Variants in NAV3 observed in about 807,000 individuals in gnomAD.
NAV3 encodes the protein neuron navigator 3.
A neutral mutation model predicts 244.7 loss-of-function variants in NAV3; 87 were observed. The ratio of observed to expected loss-of-function variants is 0.36; its 90% confidence interval spans 0.30 to 0.42. NAV3 has a LOEUF of 0.42. Among genes scored for constraint, NAV3 ranks in the 20% least tolerant of loss-of-function variants. NAV3 has a pLI of 1.00. For missense variants in NAV3, 2,663 were observed against 2,893.3 expected (o/e 0.92, Z 1.83); for synonymous variants, 1,126 against 1,042.2 (o/e 1.08, Z -1.55).
intron 5 of NAV3, among the ~76,000 whole-genome samples, chr12:77,978,390 A>C (rs892697509): frequency 2.6e-5 from 4 of 152,162 alleles, no homozygotes; most frequent in Admixed American, 2.6e-4. Flanking sequence ...TTTCTATCAA[A>C]CACTAGAAAT....
At chr12:77,886,676 TG>T (rs1440685357) in intron 1 of NAV3, among the ~76,000 whole-genome samples, 1 of 152,180 alleles carries the variant, frequency 6.6e-6, no homozygotes, top group Non-Finnish European at 1.5e-5. Flanking sequence ...CAGCTGAATT[TG>T]ATCCATGTTT....
chr12:77,839,116 T>G (rs552673058), intron 1 of NAV3, among the ~76,000 whole-genome samples: 8 of 152,300 alleles, frequency 5.3e-5, no homozygotes, highest in Non-Finnish European at 1.2e-4. Flanking sequence ...CGTAGGATAT[T>G]TGGCAGCATG....
At chr12:77,860,392 A>G (rs1879088086) in intron 1 of NAV3, among the ~76,000 whole-genome samples, 1 of 150,948 alleles carries the variant, frequency 6.6e-6, no homozygotes, top group South Asian at 2.1e-4. Flanking sequence ...AAAGTGAAGT[A>G]TATATATAAA....
chr12:78,031,801 G>T (rs985541358), intron 9 of NAV3, among the ~76,000 whole-genome samples: 1 of 150,502 alleles, frequency 6.6e-6, no homozygotes, highest in Non-Finnish European at 1.5e-5. Flanking sequence ...CGAGTTAGTG[G>T]GTGCAGCGCA....
chr12:78,086,506 A>G (rs1244275827), intron 12 of NAV3, among the ~76,000 whole-genome samples: 1 of 152,114 alleles, frequency 6.6e-6, no homozygotes, highest in East Asian at 1.9e-4. Context: ...TACACAGTAC[A>G]CATACTTATT....
chr12:78,184,717 T>C (rs1319983962), intron 30 of NAV3, among the ~76,000 whole-genome samples: 1 of 151,760 alleles, frequency 6.6e-6, no homozygotes, highest in African/African-American at 2.4e-5. Flanking sequence ...ATAAATTTAT[T>C]GTCAGAGCAG....
rs541499661 is a variant in NAV3, at chr12:78,090,268, A to G, written c.2637-26504A>G. 4.7e-5 allele frequency among the ~76,000 whole-genome samples: 7 copies of G among 149,736 alleles called. No individual in the cohort carries two copies. In the South Asian group the frequency reaches 1.5e-3, roughly 31 times the overall value. ...ATATCAAATTTTATATATATATAAT[A>G]AAGTTGAATTAAATTGAAAGTGTTC... On this transcript the variant is annotated intron_variant, in intron 12 of 39. Transcript: ENST00000397909.
intron 2 of NAV3, among the ~76,000 whole-genome samples, chr12:77,682,934 C>G (rs1028260850): frequency 6.6e-6 from 1 of 151,852 alleles, no homozygotes; most frequent in Non-Finnish European, 1.5e-5. Context: ...AAGTCTATGA[C>G]CTGCAAATAT....
At chr12:78,083,978 A>T (rs1475045658) in intron 12 of NAV3, among the ~76,000 whole-genome samples, 1 of 152,136 alleles carries the variant, frequency 6.6e-6, no homozygotes, top group Non-Finnish European at 1.5e-5. Context: ...AAAAATCTCA[A>T]CTTCAGTTAA....
chr12:77,673,521 A>G (rs1874079329), intron 2 of NAV3, among the ~76,000 whole-genome samples: 1 of 152,136 alleles, frequency 6.6e-6, no homozygotes, highest in African/African-American at 2.4e-5. Flanking sequence ...TCCTTGAGCC[A>G]TTGAAGACAT....
Position 78,012,236 on chromosome 12 carries a change from C to T in NAV3, c.1907+4791C>T, listed in dbSNP as rs1875424395. On this transcript the variant is annotated intron_variant, in intron 8 of 39. Transcript: ENST00000397909. ...TGAAACATACCCTCAATCAGACTTT[C>T]TTTCCATTTCCAGCCCTTGTCTCCT... Among the ~76,000 whole-genome samples the T allele has an allele frequency of 2.0e-5, 3 of 152,212 alleles. No homozygotes were observed. The South Asian group carries it at 6.2e-4, about 32-fold the overall frequency.
Position 77,799,832 on chromosome 12 carries a change from A to G in NAV3, c.73-140487A>G, listed in dbSNP as rs560403538. On this transcript the variant is annotated intron_variant, in intron 2 of 8. Coordinates refer to the NAV3 transcript ENST00000550042. ...TGTGGATGTGAATGTATATATCTTTACATATGTATATATATAAAATATTCA... is the reference window on the plus strand; with the variant it reads ...TGTGGATGTGAATGTATATATCTTTGCATATGTATATATATAAAATATTCA... Among the ~76,000 whole-genome samples, 12 of 152,228 alleles carry G rather than the reference A, an allele frequency of 7.9e-5. No individual in the cohort carries two copies. In the South Asian group the frequency reaches 2.5e-3, roughly 32 times the overall value.
intron 1 of NAV3, among the ~76,000 whole-genome samples, chr12:77,899,505 G>A (rs1235541077): frequency 6.6e-6 from 1 of 152,174 alleles, no homozygotes; most frequent in African/African-American, 2.4e-5. Flanking sequence ...GCACTGTTAA[G>A]CAATAAGGTA....
chr12:77,640,690 A>T (rs773627247), intron 2 of NAV3, among the ~76,000 whole-genome samples: 2 of 152,172 alleles, frequency 1.3e-5, no homozygotes, highest in Non-Finnish European at 2.9e-5. Flanking sequence ...AGTAGATTTT[A>T]TGTGCTCTTA....
intron 2 of NAV3, among the ~76,000 whole-genome samples, chr12:77,778,904 A>G (rs971713933): frequency 6.6e-6 from 1 of 152,204 alleles, no homozygotes; most frequent in Non-Finnish European, 1.5e-5. Context: ...GTGATTATTG[A>G]GATTGAATGT....
chr12:78,191,741 C>G (rs1958991151), intron 34 of NAV3, among the ~76,000 whole-genome samples: 1 of 152,050 alleles, frequency 6.6e-6, no homozygotes, highest in Non-Finnish European at 1.5e-5. Flanking sequence ...ATTCTGTCTC[C>G]TCATATCTTT....
chr12:77,954,053 A>T (rs1343890936), intron 3 of NAV3, among the ~76,000 whole-genome samples: 1 of 152,128 alleles, frequency 6.6e-6, no homozygotes, highest in Non-Finnish European at 1.5e-5. Flanking sequence ...CTTATGGTGG[A>T]TGCCAGCATT....
rs113048703 is a variant in NAV3, at chr12:77,694,190, G to T, written c.72+121924G>T. 5.8e-3 allele frequency among the ~76,000 whole-genome samples: 887 copies of T among 152,030 alleles called. 11 individuals carry two copies. Among genetic ancestry groups the T allele is most frequent in the African/African-American group, 0.02 (841 of 41,454 alleles). On this transcript the variant is annotated intron_variant, in intron 2 of 8. Transcript: ENST00000550042. ...ATTATAAAAGAAGTCTCTTTGGCCG[G>T]GCATGGTGGCTCATGCCTGTAATCC...
chr12:78,045,372 T>G (rs1418022186), intron 9 of NAV3, among the ~76,000 whole-genome samples: 1 of 152,148 alleles, frequency 6.6e-6, no homozygotes, highest in Non-Finnish European at 1.5e-5. Flanking sequence ...CTCAGCTCAC[T>G]GCAACCTCCG....
Sources: allele counts gnomAD v4.1 joint callset (sites outside exome capture counted in the v4.1 genomes callset), GRCh38; gene constraint gnomAD v4.1.1; transcripts MANE v1.5; gene names NCBI Gene and HGNC (gene_info 2026-07-23, HGNC 2026-07-21).